ASPRV1: variants seen among roughly 807,000 people sequenced by gnomAD.
ASPRV1 encodes the protein aspartic peptidase retroviral like 1, also known as retroviral-like aspartic protease 1.
In ASPRV1, 7 loss-of-function variants were observed where a neutral mutation model predicts 11.0. The observed-to-expected ratio is 0.64, with a 90% CI of 0.36 to 1.20. ASPRV1 has a LOEUF of 1.20. Among genes scored for constraint, ASPRV1 ranks in the 50% most tolerant of loss-of-function variants. The pLI, the probability that ASPRV1 is intolerant of heterozygous loss-of-function variation, is 0.02. For synonymous variants in ASPRV1, 136 were observed against 138.4 expected (o/e 0.98, Z 0.12); for missense variants, 299 against 320.0 (o/e 0.93, Z 0.50).
chr2:70,063,327 C>T, the ASPRV1 span, among the ~76,000 whole-genome samples: 1 of 151,862 alleles, frequency 6.6e-6, no homozygotes, highest in East Asian at 1.9e-4. Flanking sequence ...TCACACACAT[C>T]CAGCCAGTCT....
upstream of ASPRV1, chr2:69,963,438 C>T (rs1187595994): frequency 4.4e-6 from 2 of 456,574 alleles, no homozygotes; most frequent in Admixed American, 4.7e-5. Context: ...TTCTGTGGCT[C>T]AAAGAACTGA....
the ASPRV1 span, among the ~76,000 whole-genome samples, chr2:70,057,731 G>A: frequency 6.6e-6 from 1 of 151,748 alleles, no homozygotes; most frequent in Admixed American, 6.6e-5. Context: ...CACCCGCCTC[G>A]GCCTCCCAAA....
chr2:69,937,413 C>T, the ASPRV1 span: 2 of 1,583,118 alleles, frequency 1.3e-6, no homozygotes, highest in Non-Finnish European at 8.6e-7. Context: ...CTCTCACTCT[C>T]CTCCCTGTCT....
the ASPRV1 span, chr2:69,936,979 G>T: frequency 1.7e-6 from 1 of 602,494 alleles, no homozygotes; most frequent in East Asian, 3.7e-5. Flanking sequence ...CTACCAGGGT[G>T]CCAGTATGTG....
At chr2:70,020,929 G>A in the ASPRV1 span, among the ~76,000 whole-genome samples, 1 of 152,130 alleles carries the variant, frequency 6.6e-6, no homozygotes, top group Non-Finnish European at 1.5e-5. Flanking sequence ...TAGAGATAAA[G>A]AGCGGTGATG....
chr2:69,969,418 C>T, the ASPRV1 span, among the ~76,000 whole-genome samples: 1 of 152,300 alleles, frequency 6.6e-6, no homozygotes, highest in East Asian at 1.9e-4. Flanking sequence ...CCTTCTGAAG[C>T]CCTCGCACTG....
At chr2:70,077,076 G>A in the ASPRV1 span, among the ~76,000 whole-genome samples, 2 of 152,138 alleles carry the variant, frequency 1.3e-5, no homozygotes, top group African/African-American at 2.4e-5. Context: ...CATAGTCTAT[G>A]CTCCTCACTC....
At chr2:69,978,131 C>T in the ASPRV1 span, among the ~76,000 whole-genome samples, 2 of 152,202 alleles carry the variant, frequency 1.3e-5, no homozygotes, top group Admixed American at 6.5e-5. Context: ...CTCTGCAGGG[C>T]GGGTGTGCTG....
At chr2:70,052,607 C>T in the ASPRV1 span, among the ~76,000 whole-genome samples, 7 of 151,368 alleles carry the variant, frequency 4.6e-5, no homozygotes, top group African/African-American at 1.7e-4. Flanking sequence ...TTAAGGACAG[C>T]AAATCTACAC....
the ASPRV1 span, among the ~76,000 whole-genome samples, chr2:69,988,036 C>G: frequency 1.3e-5 from 2 of 152,234 alleles, no homozygotes; most frequent in Non-Finnish European, 2.9e-5. Flanking sequence ...TGTGGAGAAA[C>G]TGGAATCTGT....
the ASPRV1 span, among the ~76,000 whole-genome samples, chr2:70,038,355 GCTGGGCAACATACCAAGTTCAAGACCAGC>G: frequency 3.9e-5 from 6 of 152,132 alleles, no homozygotes; most frequent in Non-Finnish European, 8.8e-5. Flanking sequence ...GGGCAACCAG[GCTGGGCAACATACCAAGTTCAAGACCAGC>G]CTGGGCAACA....
the ASPRV1 span, among the ~76,000 whole-genome samples, chr2:70,066,430 G>A: frequency 6.6e-6 from 1 of 151,502 alleles, no homozygotes; most frequent in Non-Finnish European, 1.5e-5. Context: ...GTAGAGATGG[G>A]GTTTCACCAT....
the ASPRV1 span, chr2:70,046,621 A>G: frequency 1.8e-4 from 27 of 152,178 alleles, no homozygotes; most frequent in African/African-American, 5.1e-4. Context: ...CTAGGAAGCC[A>G]AGGGCACTAG....
At chr2:69,990,179 TTTTTA>T in the ASPRV1 span, among the ~76,000 whole-genome samples, 41 of 152,084 alleles carry the variant, frequency 2.7e-4, no homozygotes, top group East Asian at 7.7e-4. Context: ...TGTTTATGTA[TTTTTA>T]TTTTATTTTA....
the ASPRV1 span, among the ~76,000 whole-genome samples, chr2:70,040,767 G>C: frequency 6.6e-6 from 1 of 151,408 alleles, no homozygotes; most frequent in Middle Eastern, 3.2e-3. Flanking sequence ...CCGGGAGGCA[G>C]AGGTTTCAGT....
the ASPRV1 span, among the ~76,000 whole-genome samples, chr2:70,025,409 G>C: frequency 2.6e-5 from 4 of 151,956 alleles, no homozygotes; most frequent in Non-Finnish European, 5.9e-5. Context: ...AAAAAAGAGA[G>C]AGAAAAAGAG....
the ASPRV1 span, chr2:70,073,196 T>C: frequency 1.3e-5 from 2 of 152,214 alleles, no homozygotes; most frequent in South Asian, 2.1e-4. Flanking sequence ...AGGAGAATGA[T>C]AGAAAACATT....
the ASPRV1 span, among the ~76,000 whole-genome samples, chr2:70,065,691 G>T: frequency 6.6e-6 from 1 of 151,398 alleles, no homozygotes; most frequent in Non-Finnish European, 1.5e-5. Context: ...CAGGTGTGGT[G>T]GCGCATGCCT....
At chr2:69,969,504 A>C in the ASPRV1 span, among the ~76,000 whole-genome samples, 3 of 149,576 alleles carry the variant, frequency 2.0e-5, no homozygotes, top group African/African-American at 7.4e-5. Context: ...CACTACGACC[A>C]CTCCCCTCTG....
Sources: allele counts gnomAD v4.1 joint callset (sites outside exome capture counted in the v4.1 genomes callset), GRCh38; gene constraint gnomAD v4.1.1; transcripts MANE v1.5; gene names NCBI Gene and HGNC (gene_info 2026-07-23, HGNC 2026-07-21).